PPFIA2: variants seen among roughly 807,000 people sequenced by gnomAD.
PPFIA2 encodes the protein liprin-alpha-2.
In PPFIA2, 46 loss-of-function variants were observed where a neutral mutation model predicts 175.5. The observed-to-expected ratio is 0.26, with a 90% CI of 0.21 to 0.34. PPFIA2 has a LOEUF of 0.34. PPFIA2 is among the 10% of genes least tolerant of loss of function. PPFIA2 has a pLI of 1.00. For synonymous variants in PPFIA2, 568 were observed against 511.4 expected (o/e 1.11, Z -1.49); for missense variants, 1,179 against 1,506.1 (o/e 0.78, Z 3.60).
intron 4 of PPFIA2, among the ~76,000 whole-genome samples, chr12:81,660,357 C>G (rs1284924980): frequency 6.6e-6 from 1 of 152,104 alleles, no homozygotes; most frequent in Non-Finnish European, 1.5e-5. Flanking sequence ...CTTAAAGGAC[C>G]TGATGGACCT....
intron 21 of PPFIA2, among the ~76,000 whole-genome samples, chr12:81,337,447 C>T (rs1321317243): frequency 1.3e-5 from 2 of 152,082 alleles, no homozygotes; most frequent in African/African-American, 4.8e-5. Flanking sequence ...TTCTTATCTG[C>T]TCTGACCTAA....
intron 23 of PPFIA2, chr12:81,296,745 A>G (rs1276414454): frequency 2.6e-5 from 4 of 152,196 alleles, no homozygotes; most frequent in Non-Finnish European, 5.9e-5. Context: ...AGAAGACCTG[A>G]GCCCTAATTC....
Position 81,634,949 on chromosome 12 carries a change from T to C in PPFIA2, c.303+41842A>G, listed in dbSNP as rs552625487. Among the ~76,000 whole-genome samples, 87 of 152,334 alleles carry C rather than the reference T, an allele frequency of 5.7e-4. 1 individual carries two copies. Among genetic ancestry groups the C allele is most frequent in the Non-Finnish European group, 8.7e-4 (59 of 68,032 alleles). On this transcript the variant is annotated intron_variant, in intron 4 of 32. Transcript: ENST00000549396. Reference sequence around the variant, plus strand: ...AGCTCTAACTTCCAACATATCTTCATTGTCATTAATAGGTACTAGGAGACA... The same window carrying C: ...AGCTCTAACTTCCAACATATCTTCACTGTCATTAATAGGTACTAGGAGACA...
intron 11 of PPFIA2, among the ~76,000 whole-genome samples, chr12:81,372,020 G>T (rs959264908): frequency 8.6e-5 from 13 of 151,260 alleles, no homozygotes; most frequent in Non-Finnish European, 1.6e-4. Context: ...AATATATACT[G>T]GGACCAATTT....
intron 4 of PPFIA2, among the ~76,000 whole-genome samples, chr12:81,501,614 T>C (rs1265156367): frequency 6.6e-6 from 1 of 152,120 alleles, no homozygotes; most frequent in East Asian, 1.9e-4. Context: ...AGACACATCA[T>C]TATTGATTTT....
intron 4 of PPFIA2, among the ~76,000 whole-genome samples, chr12:81,618,253 C>CTG (rs71669706): frequency 0.17 from 24,959 of 148,580 alleles, 2,372 homozygotes; most frequent in East Asian, 0.32. Context: ...ATGTGTAAAT[C>CTG]TGTGTGTGTG....
chr12:81,348,401 T>G (rs946342144), intron 17 of PPFIA2, among the ~76,000 whole-genome samples: 1 of 152,108 alleles, frequency 6.6e-6, no homozygotes, highest in African/African-American at 2.4e-5. Flanking sequence ...AATATAGTTA[T>G]ATAGATAGAT....
intron 21 of PPFIA2, among the ~76,000 whole-genome samples, chr12:81,326,944 T>A (rs2054903580): frequency 6.6e-6 from 1 of 152,104 alleles, no homozygotes; most frequent in African/African-American, 2.4e-5. Context: ...TTTGCTCTTC[T>A]CTCATTGTAG....
In PPFIA2 at chr12:81,751,916, C is replaced by CT. The variant is rs541531869; in HGVS notation, c.249+2056dup. 2.2e-4 allele frequency among the ~76,000 whole-genome samples: 34 copies of CT among 151,652 alleles called. No individual in the cohort carries two copies. In the South Asian group the frequency reaches 3.3e-3, roughly 15 times the overall value. ...CAACATTTTTAAGTAAAATAGTCAC[C>CT]TTTTTTTTACAGAAGAGGAAACATT... On this transcript the variant is annotated intron_variant, in intron 3 of 32. Transcript: ENST00000549396.
intron 26 of PPFIA2, chr12:81,282,564 G>C (rs2042310104): frequency 6.6e-6 from 1 of 152,606 alleles, no homozygotes; most frequent in Admixed American, 6.5e-5. Context: ...ATAAATGCTA[G>C]TGACTCTGTG....
At chr12:81,518,445 C>T (rs2062722819) in intron 4 of PPFIA2, among the ~76,000 whole-genome samples, 1 of 152,186 alleles carries the variant, frequency 6.6e-6, no homozygotes, top group South Asian at 2.1e-4. Flanking sequence ...GCTAGGAGTA[C>T]CAAATCCACT....
chr12:81,695,653 C>T (rs979344346), intron 3 of PPFIA2, among the ~76,000 whole-genome samples: 4 of 152,100 alleles, frequency 2.6e-5, no homozygotes, highest in African/African-American at 4.8e-5. Context: ...TTTAAAAAAA[C>T]AATATAAATT....
chr12:81,734,594 C>A (rs2153645195), intron 3 of PPFIA2, among the ~76,000 whole-genome samples: 1 of 151,846 alleles, frequency 6.6e-6, no homozygotes, highest in Non-Finnish European at 1.5e-5. Flanking sequence ...TGTCAACAAG[C>A]ACTTTGAGCA....
chr12:81,398,857 A>G (rs2041639408), intron 8 of PPFIA2, among the ~76,000 whole-genome samples: 1 of 152,026 alleles, frequency 6.6e-6, no homozygotes, highest in African/African-American at 2.4e-5. Context: ...ACGCTCGACA[A>G]TACTAAGAGT....
intron 4 of PPFIA2, among the ~76,000 whole-genome samples, chr12:81,611,992 C>T (rs1265410398): frequency 2.6e-5 from 4 of 152,150 alleles, no homozygotes; most frequent in Admixed American, 2.6e-4. Context: ...TGATCAGGTA[C>T]CCTAAGTAGG....
intron 4 of PPFIA2, among the ~76,000 whole-genome samples, chr12:81,585,075 A>T (rs1018110812): frequency 8.3e-6 from 1 of 119,766 alleles, no homozygotes. Context: ...ATATATAAAT[A>T]TAATATATAT....
At chr12:81,687,521 A>T (rs1352110231) in intron 3 of PPFIA2, 1 of 152,014 alleles carries the variant, frequency 6.6e-6, no homozygotes, top group Non-Finnish European at 1.5e-5. Context: ...CTAGCACAAC[A>T]GAGGTACTGT....
intron 17 of PPFIA2, among the ~76,000 whole-genome samples, chr12:81,347,973 T>C (rs2059356303): frequency 9.9e-5 from 15 of 152,134 alleles, no homozygotes; most frequent in Admixed American, 9.8e-4. Flanking sequence ...GGCTGCAGTT[T>C]AGAAAATTGT....
chr12:81,351,170 CTAT>C (rs2059934887), intron 17 of PPFIA2, among the ~76,000 whole-genome samples: 1 of 152,056 alleles, frequency 6.6e-6, no homozygotes, highest in African/African-American at 2.4e-5. Flanking sequence ...TGAAAACCAT[CTAT>C]TATTAGGGTA....
Sources: gnomAD v4.1 joint callset for allele counts (sites outside exome capture counted in the v4.1 genomes callset) on GRCh38, gnomAD v4.1.1 for gene constraint, MANE v1.5 for transcripts, NCBI Gene and HGNC (gene_info 2026-07-23, HGNC 2026-07-21) for gene names.